STRN: variants seen among roughly 807,000 people sequenced by gnomAD.
STRN encodes striatin.
STRN carries 53 observed loss-of-function variants against 96.3 expected under a neutral mutation model. The ratio of observed to expected loss-of-function variants is 0.55; its 90% CI spans 0.44 to 0.69. STRN has a LOEUF of 0.69. STRN is among the 30% of genes least tolerant of loss of function. The probability of loss-of-function intolerance (pLI) is 0.00; values close to 1 mark genes in which losing one functional copy is unlikely to be tolerated. For missense variants in STRN, 987 were observed against 963.9 expected, an observed-to-expected ratio of 1.02 and a Z score of -0.32; for synonymous variants, 428 against 355.9, an observed-to-expected ratio of 1.20 and a Z score of -2.28.
At chr2:36,955,859 A>T (rs1219042833) in intron 1 of STRN, among the ~76,000 whole-genome samples, 2 of 152,180 alleles carry the variant, frequency 1.3e-5, no homozygotes, top group Non-Finnish European at 2.9e-5. Flanking sequence ...TGGGGATGAG[A>T]CCCAAGTCTA....
At chr2:36,874,583 C>G (rs1668851179) in intron 10 of STRN, among the ~76,000 whole-genome samples, 1 of 151,226 alleles carries the variant, frequency 6.6e-6, no homozygotes, top group Non-Finnish European at 1.5e-5. Flanking sequence ...GAAAACAAAC[C>G]TTGGCTAAAA....
At chr2:36,933,776 T>G (rs1558659312) in intron 1 of STRN, among the ~76,000 whole-genome samples, 1 of 152,220 alleles carries the variant, frequency 6.6e-6, no homozygotes, top group Middle Eastern at 3.4e-3. Flanking sequence ...AGCCAAGCAT[T>G]TGTATTAAAG....
intron 8 of STRN, among the ~76,000 whole-genome samples, chr2:36,884,772 T>C (rs1446586454): frequency 6.6e-6 from 1 of 152,118 alleles, no homozygotes; most frequent in Non-Finnish European, 1.5e-5. Flanking sequence ...GAAATATCTC[T>C]ACTAGACCAC....
At position 36,849,438 on chromosome 2, in the gene STRN, T is replaced by G. The variant is rs2148122496; in HGVS notation, c.*18A>C. The G allele has an allele frequency of 7.4e-6, 12 of 1,612,960 alleles. No homozygotes were observed. The highest frequency in any genetic ancestry group is 1.3e-5 in the African/African-American group (1 of 74,970). ...TGATTACTTATAAACAGCTAGAAGG[T>G]GAAGATGATGCATTGCGTCATACAA... On this transcript the variant is annotated 3_prime_UTR_variant, in exon 18 of 18. Transcript: ENST00000263918.
chr2:36,922,017 T>C (rs1233880257), intron 2 of STRN, among the ~76,000 whole-genome samples: 2 of 152,322 alleles, frequency 1.3e-5, no homozygotes, highest in Non-Finnish European at 2.9e-5. Context: ...GGTAATATAC[T>C]ATAATCATAT....
chr2:36,866,210 G>C (rs1004520500), intron 12 of STRN, among the ~76,000 whole-genome samples: 1 of 151,994 alleles, frequency 6.6e-6, no homozygotes, highest in Admixed American at 6.6e-5. Flanking sequence ...AAGCAGCTGA[G>C]ACTACAGGAA....
chr2:36,851,185 T>C, intron 15 of STRN, 78 bp from the exon 16 acceptor site: 1 of 1,313,772 alleles, frequency 7.6e-7, no homozygotes, highest in Non-Finnish European at 1.1e-6. Context: ...ATTATCTATC[T>C]AAGAGACTGA....
chr2:36,857,043 C>T (rs1340711179), intron 14 of STRN, among the ~76,000 whole-genome samples: 1 of 151,134 alleles, frequency 6.6e-6, no homozygotes, highest in African/African-American at 2.4e-5. Context: ...ATTACCCAGT[C>T]TCAGGTATTT....
intron 13 of STRN, among the ~76,000 whole-genome samples, chr2:36,859,893 G>A (rs1256930940): frequency 1.3e-5 from 2 of 152,188 alleles, no homozygotes; most frequent in African/African-American, 4.8e-5. Flanking sequence ...CTTGTTACAT[G>A]TAAGTGTTGT....
intron 2 of STRN, among the ~76,000 whole-genome samples, chr2:36,922,959 T>C (rs1002305104): frequency 4.0e-5 from 6 of 151,514 alleles, no homozygotes; most frequent in East Asian, 1.9e-4. Flanking sequence ...CCAGTCAACA[T>C]GGTGAAACCC....
intron 1 of STRN, among the ~76,000 whole-genome samples, chr2:36,948,702 T>C (rs140156632): frequency 6.6e-6 from 1 of 152,250 alleles, no homozygotes; most frequent in East Asian, 1.9e-4. Context: ...CTGAACAGAT[T>C]TATAAGAAGC....
chr2:36,935,987 CAT>C (rs1319457585), intron 1 of STRN, among the ~76,000 whole-genome samples: 1 of 151,698 alleles, frequency 6.6e-6, no homozygotes, highest in Admixed American at 6.6e-5. Flanking sequence ...TTGGTATTAA[CAT>C]GTAAATAATA....
intron 10 of STRN, among the ~76,000 whole-genome samples, chr2:36,872,527 A>G (rs1668788710): frequency 6.6e-6 from 1 of 152,200 alleles, no homozygotes; most frequent in South Asian, 2.1e-4. Context: ...TATGAAGATA[A>G]TAAATGTTTT....
At position 36,849,361 on chromosome 2, in the gene STRN, G is replaced by T; in HGVS notation, c.*95C>A. 2 of 1,408,356 alleles carry T rather than the reference G, an allele frequency of 1.4e-6. No homozygotes were observed. Among genetic ancestry groups the T allele is most frequent in the East Asian group, 2.3e-5 (1 of 43,236 alleles). 87.2% of individuals were successfully genotyped at this position (1,408,356 alleles called of 1,614,324 possible). On this transcript the variant is annotated 3_prime_UTR_variant, in exon 18 of 18. Coordinates refer to ENST00000263918, the MANE Select transcript of STRN (RefSeq NM_003162.4). ...TCTGTGCTCCTTCAGCAGAACAAAA[G>T]GGCAGGACGAGATGATTCTTGCCCT...
intron 5 of STRN, among the ~76,000 whole-genome samples, chr2:36,901,200 G>A (rs1156735101): frequency 1.3e-5 from 2 of 152,066 alleles, no homozygotes; most frequent in Non-Finnish European, 2.9e-5. Context: ...CACAAGAGTG[G>A]TCTTCCCTCA....
intron 6 of STRN, among the ~76,000 whole-genome samples, chr2:36,894,627 T>C (rs1443071973): frequency 1.3e-5 from 2 of 152,202 alleles, no homozygotes; most frequent in Admixed American, 6.5e-5. Flanking sequence ...CTAAAGAAAT[T>C]AGGATGCTAG....
rs190976018 is a variant in STRN, at chr2:36,955,592, C to T, written c.234+10638G>A. 5.9e-4 allele frequency among the ~76,000 whole-genome samples: 90 copies of T among 152,292 alleles called. 1 individual carries two copies. Among genetic ancestry groups the T allele is most frequent in the African/African-American group, 2.0e-3 (84 of 41,568 alleles). ...TCTTCTGTCTCTTCTCCCCTTCTAA[C>T]CCCTTCCTCAATTTCTCTCTTGCCT... is the stretch of plus-strand genomic sequence containing the variant. On this transcript the variant is annotated intron_variant, in intron 1 of 17. Transcript: ENST00000263918.
At chr2:36,864,751 G>C (rs191459740) in intron 12 of STRN, among the ~76,000 whole-genome samples, 1 of 151,848 alleles carries the variant, frequency 6.6e-6, no homozygotes, top group Non-Finnish European at 1.5e-5. Flanking sequence ...CACTCTTGTC[G>C]CCCAGGCTGG....
chr2:36,852,608 G>A (rs931238426), intron 15 of STRN, among the ~76,000 whole-genome samples: 3 of 152,200 alleles, frequency 2.0e-5, no homozygotes, highest in Non-Finnish European at 2.9e-5. Flanking sequence ...AAATATGTGT[G>A]AAGGGTAGCC....
Sources: gnomAD v4.1 joint callset for allele counts (sites outside exome capture counted in the v4.1 genomes callset) on GRCh38, gnomAD v4.1.1 for gene constraint, MANE v1.5 for transcripts, NCBI Gene and HGNC (gene_info 2026-07-23, HGNC 2026-07-21) for gene names.